IPO11: variants seen among roughly 807,000 people sequenced by gnomAD.
IPO11 encodes importin-11.
In IPO11, 66 loss-of-function variants were observed where a neutral mutation model predicts 143.2. The ratio of observed to expected loss-of-function variants is 0.46; its 90% CI spans 0.38 to 0.57. The LOEUF (loss-of-function observed/expected upper bound fraction) is 0.57, where lower values mean the gene tolerates loss of function less well. IPO11 is among the 20% of genes least tolerant of loss of function. The pLI, the probability that IPO11 is intolerant of heterozygous loss-of-function variation, is 0.00. For synonymous variants in IPO11, 385 were observed against 377.8 expected (o/e 1.02, Z -0.22); for missense variants, 1,026 against 1,141.0 (o/e 0.90, Z 1.45).
chr5:62,557,070 A>T (rs1404156733), intron 26 of IPO11, among the ~76,000 whole-genome samples: 1 of 152,184 alleles, frequency 6.6e-6, no homozygotes, highest in African/African-American at 2.4e-5. Flanking sequence ...TTTTCACCTC[A>T]GTCGCCTAGA....
At chr5:62,497,298 G>A (rs577946622) in intron 16 of IPO11, among the ~76,000 whole-genome samples, 9 of 152,200 alleles carry the variant, frequency 5.9e-5, no homozygotes, top group East Asian at 5.8e-4. Context: ...AGAAGCACTT[G>A]TGTGCTCATC....
At chr5:62,437,529 G>T in intron 2 of IPO11, 112 bp downstream of exon 2, 1 of 780,946 alleles carries the variant, frequency 1.3e-6, no homozygotes, top group Non-Finnish European at 2.0e-6. Flanking sequence ...CAGATGTTTG[G>T]CTGCTGATGC....
rs748174781 is a variant in IPO11 at position 62,476,718 on chromosome 5, A to G, written c.793A>G (p.Arg265Gly). ...AGGTACAGATAATGTGTGTAGAGATAGACTGGAAAAGACCATCATTCTTTT... is the reference window on the plus strand; with the variant it reads ...AGGTACAGATAATGTGTGTAGAGATGGACTGGAAAAGACCATCATTCTTTT... ...SIGTDNVCRD[R>G]LEKTIILFTK... The change falls in exon 9 of 30, where the codon AGA becomes GGA. Residue 265 changes from arginine (R) to glycine (G), a missense_variant. By Grantham distance (125) the Arg-to-Gly change is moderately radical. Around this residue, in one of 5 missense-constraint regions of IPO11, gnomAD observed 429 missense variants for 456.3 expected, o/e 0.94. Transcript: ENST00000325324. 7.2e-6 allele frequency: 11 copies of G among 1,518,208 alleles called. No homozygotes were observed. Among genetic ancestry groups the G allele is most frequent in the Non-Finnish European group, 3.5e-6 (4 of 1,131,272 alleles). 94.0% of individuals were successfully genotyped at this position (1,518,208 alleles called of 1,614,324 possible).
At chr5:62,479,948 C>A (rs32051) in intron 9 of IPO11, among the ~76,000 whole-genome samples, 105,800 of 151,992 alleles carry the variant, frequency 0.7, 37,194 homozygotes, top group African/African-American at 0.78. Flanking sequence ...GTTTAATTAG[C>A]TCCCATTTGT....
At chr5:62,554,481 T>C (rs558915909) in intron 26 of IPO11, among the ~76,000 whole-genome samples, 158 of 152,310 alleles carry the variant, frequency 1.0e-3, no homozygotes, top group African/African-American at 3.6e-3. Context: ...GATCTAGTTT[T>C]GTTCTTCTGC....
At chr5:62,468,385 G>A (rs1248279889) in intron 6 of IPO11, among the ~76,000 whole-genome samples, 1 of 152,178 alleles carries the variant, frequency 6.6e-6, no homozygotes, top group Non-Finnish European at 1.5e-5. Flanking sequence ...ACCAGACAAT[G>A]GATGCACAAA....
intron 3 of IPO11, among the ~76,000 whole-genome samples, chr5:62,447,915 A>G (rs985058150): frequency 6.6e-6 from 1 of 152,032 alleles, no homozygotes; most frequent in Non-Finnish European, 1.5e-5. Flanking sequence ...GGGTTTTGCC[A>G]TGTTGTCCAG....
chr5:62,555,571 T>G (rs1442061288), intron 26 of IPO11, among the ~76,000 whole-genome samples: 1 of 151,852 alleles, frequency 6.6e-6, no homozygotes, highest in East Asian at 1.9e-4. Context: ...TGGTGCAGTC[T>G]CGGCTCGCTG....
intron 27 of IPO11, among the ~76,000 whole-genome samples, chr5:62,574,090 A>G (rs1468084848): frequency 6.6e-6 from 1 of 152,226 alleles, no homozygotes; most frequent in Non-Finnish European, 1.5e-5. Context: ...TCCTCAAAAT[A>G]CAAACAGTGA....
intron 5 of IPO11, among the ~76,000 whole-genome samples, chr5:62,466,666 T>C (rs1745586500): frequency 6.6e-6 from 1 of 152,220 alleles, no homozygotes; most frequent in Non-Finnish European, 1.5e-5. Flanking sequence ...GGTTTGTATG[T>C]TCCTGGCATT....
chr5:62,425,924 A>G (rs1743722358), intron 1 of IPO11, among the ~76,000 whole-genome samples: 1 of 152,240 alleles, frequency 6.6e-6, no homozygotes. Context: ...ACCAAATAGT[A>G]AGAACATTAA....
chr5:62,532,574 T>C (rs1334779712), intron 22 of IPO11, among the ~76,000 whole-genome samples: 1 of 152,090 alleles, frequency 6.6e-6, no homozygotes, highest in Admixed American at 6.5e-5. Context: ...CCCAGGCTGC[T>C]CTCAAACTCC....
chr5:62,552,462 T>C (rs1156369290), intron 26 of IPO11, among the ~76,000 whole-genome samples: 1 of 150,542 alleles, frequency 6.6e-6, no homozygotes, highest in Non-Finnish European at 1.5e-5. Context: ...TGGGGTAATA[T>C]ATATTTTTTA....
chr5:62,474,622 A>G (rs956824313), intron 8 of IPO11, among the ~76,000 whole-genome samples, 158 bp downstream of exon 8: 11 of 152,162 alleles, frequency 7.2e-5, no homozygotes, highest in Non-Finnish European at 1.0e-4. Flanking sequence ...GTCTTGTCCA[A>G]TTGCTCCCTG....
Position 62,559,949 on chromosome 5 carries a change from GAA to G in IPO11, c.2461-1183_2461-1182del, listed in dbSNP as rs1247324582. Among the ~76,000 whole-genome samples the G allele has an allele frequency of 3.9e-3, 413 of 105,176 alleles. 4 individuals are homozygous for G. The highest frequency in any genetic ancestry group is 0.017 in the East Asian group (54 of 3,266). 69.0% of individuals were successfully genotyped at this position (105,176 alleles called of 152,430 possible). ...AAAAAAAAAAAAAAAAAAAGAGAGA[GAA>G]AAACAACTCTTAATTTGTTCAAGGG... On this transcript the variant is annotated intron_variant, in intron 26 of 29. Coordinates refer to ENST00000325324, the MANE Select transcript of IPO11 (RefSeq NM_016338.5).
At chr5:62,620,904 C>T (rs1436719415) in intron 29 of IPO11, among the ~76,000 whole-genome samples, 2 of 152,108 alleles carry the variant, frequency 1.3e-5, no homozygotes, top group Non-Finnish European at 2.9e-5. Flanking sequence ...TGGTGGGTGG[C>T]GGAGGGCCTT....
chr5:62,458,053 A>G (rs1212547680), intron 5 of IPO11, among the ~76,000 whole-genome samples: 1 of 150,300 alleles, frequency 6.7e-6, no homozygotes, highest in South Asian at 2.1e-4. Context: ...AGGCTGAGGC[A>G]GGAGAATGGC....
chr5:62,540,458 T>A (rs986112374), intron 24 of IPO11, among the ~76,000 whole-genome samples: 1 of 152,244 alleles, frequency 6.6e-6, no homozygotes, highest in Non-Finnish European at 1.5e-5. Context: ...TCCCCCTCTT[T>A]TGGCTTTTCT....
chr5:62,590,936 T>C (rs1744987363), intron 27 of IPO11, among the ~76,000 whole-genome samples: 1 of 152,104 alleles, frequency 6.6e-6, no homozygotes, highest in Non-Finnish European at 1.5e-5. Flanking sequence ...TTCTGTTTCT[T>C]TTAAGAGACA....
Sources: allele counts gnomAD v4.1 joint callset (sites outside exome capture counted in the v4.1 genomes callset), GRCh38; gene constraint gnomAD v4.1.1; regional missense constraint gnomAD v4.1.1; transcripts MANE v1.5; gene names NCBI Gene and HGNC (gene_info 2026-07-23, HGNC 2026-07-21).